KIF21B: variants seen among roughly 807,000 people sequenced by gnomAD.
The protein encoded by KIF21B is kinesin-like protein KIF21B.
A neutral mutation model predicts 192.9 loss-of-function variants in KIF21B; 85 were observed. The ratio of observed to expected loss-of-function variants is 0.44; its 90% CI spans 0.37 to 0.53. The LOEUF (loss-of-function observed/expected upper bound fraction) is 0.53. Ranked by LOEUF, KIF21B falls within the 20% of genes least tolerant of loss-of-function variation. The probability of loss-of-function intolerance (pLI) is 0.00; values close to 1 mark genes in which losing one functional copy is unlikely to be tolerated. For synonymous variants in KIF21B, 832 were observed against 884.6 expected, an observed-to-expected ratio of 0.94 and a Z score of 1.05; for missense variants, 1,716 against 2,194.8, an observed-to-expected ratio of 0.78 and a Z score of 4.36.
At chr1:201,012,656 T>TATGTATG (rs11269541) in intron 1 of KIF21B, among the ~76,000 whole-genome samples, 2 of 152,004 alleles carry the variant, frequency 1.3e-5, no homozygotes, top group Admixed American at 6.5e-5. Flanking sequence ...TGTATGTATG[T>TATGTATG]TTTTGAGACA....
At chr1:201,012,631 C>CTATGTATGTATGTATG (rs113600659) in intron 1 of KIF21B, among the ~76,000 whole-genome samples, 4,356 of 150,436 alleles carry the variant, frequency 0.029, 100 homozygotes, top group Non-Finnish European at 0.035. Context: ...TCAGAAAACT[C>CTATGTATGTATGTATG]TATGTATGTA....
chr1:201,021,248 C>G (rs1232415326), intron 1 of KIF21B, among the ~76,000 whole-genome samples: 1 of 152,228 alleles, frequency 6.6e-6, no homozygotes, highest in East Asian at 1.9e-4. Flanking sequence ...TGATTAGAAA[C>G]TGGGTTCTGT....
rs1225781968 is a variant in KIF21B, at chr1:200,982,035, A to G, written c.3843-939T>C. ...CTCTGGCCAAGGGTCTACTGAAATG[A>G]TCAAGGTTTTGCCTGTGGCGCTTCT... On this transcript the variant is annotated intron_variant, in intron 28 of 34. Coordinates refer to ENST00000461742, the MANE Select transcript of KIF21B (RefSeq NM_001252102.2). The surrounding 1 kb of genome is among the most constrained non-coding windows in gnomAD (Gnocchi z 4.7). 2.6e-5 allele frequency among the ~76,000 whole-genome samples: 4 copies of G among 152,086 alleles called. No homozygotes were observed. The highest frequency in any genetic ancestry group is 5.9e-5 in the Non-Finnish European group (4 of 68,010).
chr1:200,970,828 T>A lies in KIF21B; in HGVS notation c.*2693A>T, dbSNP rs1655176033. 6.6e-6 allele frequency: 1 copy of A among 152,404 alleles called. No individual in the cohort carries two copies. Among genetic ancestry groups the A allele is most frequent in the Non-Finnish European group, 1.5e-5 (1 of 68,080 alleles). 9.4% of individuals were successfully genotyped at this position (152,404 alleles called of 1,614,324 possible). A position where few individuals can be genotyped will look rare whatever the true frequency, so the allele number is the denominator to read the frequency against. On this transcript the variant is annotated 3_prime_UTR_variant, in exon 35 of 35. Coordinates refer to ENST00000461742, the MANE Select transcript of KIF21B (RefSeq NM_001252102.2). ...GCGCTTTACTCCTGGTCCCATGGCG[T>A]AAAGATGTGGCTGGGCCTGACAAGG... is the stretch of plus-strand genomic sequence containing the variant.
In KIF21B at chr1:200,973,513, C is replaced by T; in HGVS notation, c.*8G>A. On this transcript the variant is annotated 3_prime_UTR_variant, in exon 35 of 35. Coordinates refer to ENST00000461742, the MANE Select transcript of KIF21B (RefSeq NM_001252102.2). ...CGAGGGTCCGGGGGCATCCCTCTGACCTCACTCCTAGGGTGGGCCGCTGTG... is the reference window on the plus strand; with the variant it reads ...CGAGGGTCCGGGGGCATCCCTCTGATCTCACTCCTAGGGTGGGCCGCTGTG... 6.8e-7 allele frequency: 1 copy of T among 1,461,820 alleles called. No homozygotes were observed. The highest frequency in any genetic ancestry group is 1.4e-5 in the South Asian group (1 of 71,998). 90.6% of individuals were successfully genotyped at this position (1,461,820 alleles called of 1,614,324 possible).
At position 201,000,369 on chromosome 1, in the gene KIF21B, C is replaced by A; in HGVS notation, c.1685+21G>T. ...GGGGCGGTCTGAGGGCTCTCAGGGG[C>A]GGGGACGACACTCCACTCACCTCTT... On this transcript the variant is annotated intron_variant, in intron 11 of 34. Coordinates refer to ENST00000461742, the MANE Select transcript of KIF21B (RefSeq NM_001252102.2). The surrounding 1 kb of genome is among the most constrained non-coding windows in gnomAD (Gnocchi z 6.0). 6.5e-7 allele frequency: 1 copy of A among 1,535,656 alleles called. No individual in the cohort carries two copies. Among genetic ancestry groups the A allele is most frequent in the South Asian group, 1.3e-5 (1 of 79,664 alleles).
chr1:200,993,060 G>A (rs1297106254), intron 15 of KIF21B, among the ~76,000 whole-genome samples: 2 of 152,350 alleles, frequency 1.3e-5, no homozygotes, highest in African/African-American at 2.4e-5. Context: ...GGATGGCTCC[G>A]TGGTAGGTCA....
At chr1:201,002,424 C>G in intron 8 of KIF21B, 74 bp from the exon 9 acceptor site, 2 of 1,347,162 alleles carry the variant, frequency 1.5e-6, no homozygotes, top group Non-Finnish European at 2.1e-6. Context: ...TGATGATGCC[C>G]CTCCCTCTGC....
In KIF21B at chr1:200,982,962, G is replaced by T; in HGVS notation, c.3842+94C>A. ...GGAGGGGCCGCATGCTGAGGACACGGGTGTCAGGCGGGAGGGATGCAGCAA... is the reference window on the plus strand; with the variant it reads ...GGAGGGGCCGCATGCTGAGGACACGTGTGTCAGGCGGGAGGGATGCAGCAA... On this transcript the variant is annotated intron_variant, in intron 28 of 34. Transcript: ENST00000461742. The surrounding 1 kb of genome is among the most constrained non-coding windows in gnomAD (Gnocchi z 4.7). 1 of 1,135,338 alleles carries T rather than the reference G, an allele frequency of 8.8e-7. No individual in the cohort carries two copies. Among genetic ancestry groups the T allele is most frequent in the East Asian group, 2.6e-5 (1 of 39,046 alleles). 70.3% of individuals were successfully genotyped at this position (1,135,338 alleles called of 1,614,324 possible).
At chr1:201,010,786 C>T (rs180896042) in intron 1 of KIF21B, among the ~76,000 whole-genome samples, 155 of 152,368 alleles carry the variant, frequency 1.0e-3, no homozygotes, top group African/African-American at 3.5e-3. Context: ...TCCCCAGCTG[C>T]CCCAGCCCCC....
At chr1:200,986,795 G>T in intron 26 of KIF21B, 49 bp downstream of exon 26, 1 of 1,492,234 alleles carries the variant, frequency 6.7e-7, no homozygotes, top group Non-Finnish European at 9.3e-7. Context: ...ATGTAACCAA[G>T]AACTAGACTG....
At chr1:201,001,891 G>A (rs2102442470) in intron 9 of KIF21B, 1 of 491,024 alleles carries the variant, frequency 2.0e-6, no homozygotes, top group East Asian at 3.5e-5. Flanking sequence ...GAAGTAGAGA[G>A]GGCTTGGGGT....
chr1:201,007,416 A>G (rs1657945085), intron 3 of KIF21B, among the ~76,000 whole-genome samples: 1 of 148,856 alleles, frequency 6.7e-6, no homozygotes, highest in Non-Finnish European at 1.5e-5. Flanking sequence ...ACCCACACAC[A>G]CAGAGATACA....
chr1:201,005,074 C>T, intron 5 of KIF21B, 141 bp from the exon 6 acceptor site: 1 of 1,065,668 alleles, frequency 9.4e-7, no homozygotes, highest in Non-Finnish European at 1.4e-6. Flanking sequence ...TGACAATGTG[C>T]ACAGTATTTG....
chr1:200,974,018 T>A, intron 34 of KIF21B: 2 of 1,568,176 alleles, frequency 1.3e-6, no homozygotes, highest in Non-Finnish European at 1.7e-6. Context: ...AAGAAGCAGC[T>A]CAGATCGAAG....
At chr1:200,988,151 G>C in intron 24 of KIF21B, 145 bp downstream of exon 24, 1 of 814,518 alleles carries the variant, frequency 1.2e-6, no homozygotes, top group Non-Finnish European at 2.1e-6. Context: ...CCCAATTCCA[G>C]ACTAAATTTT....
chr1:200,987,811 CCTT>C (rs1479887892), intron 24 of KIF21B, among the ~76,000 whole-genome samples: 15 of 152,342 alleles, frequency 9.8e-5, no homozygotes, highest in African/African-American at 2.4e-5. Context: ...CTTTTTCCCT[CCTT>C]GTCTCCTTAA....
At position 200,990,190 on chromosome 1, in the gene KIF21B, T is replaced by C. The variant is rs1558007686; in HGVS notation, c.2978A>G (p.Asn993Ser). The stretch of plus-strand genomic sequence containing the variant: ...GGCCTGGCAGTCGGTGATGCCGTCA[T>C]TGATGTAGTCAATGTTGGCTGCCAG... ...EVLAANIDYI[N>S]DGITDCQATI... Residue 993 changes from asparagine (N) to serine (S), a missense_variant, in exon 20 of 35, where the codon AAT becomes AGT. By Grantham distance (46) the Asn-to-Ser change is conservative. Around this residue, in one of 3 missense-constraint regions of KIF21B, gnomAD observed 49 missense variants for 102.6 expected, o/e 0.48. Coordinates refer to ENST00000461742, the MANE Select transcript of KIF21B (RefSeq NM_001252102.2). This position sits in a 1 kb window ranked among gnomAD's most constrained non-coding sequence, Gnocchi z 5.4. 1 of 1,614,112 alleles carries C rather than the reference T, an allele frequency of 6.2e-7. No individual in the cohort carries two copies. The highest frequency in any genetic ancestry group is 1.1e-5 in the South Asian group (1 of 91,078).
intron 8 of KIF21B, 111 bp from the exon 9 acceptor site, chr1:201,002,461 GGC>G: frequency 1.1e-6 from 1 of 931,768 alleles, no homozygotes; most frequent in Non-Finnish European, 1.7e-6. Context: ...CCCTGGATAT[GGC>G]GCATCACCAG....
Sources: gnomAD v4.1 joint callset for allele counts (sites outside exome capture counted in the v4.1 genomes callset) on GRCh38, gnomAD v4.1.1 for gene constraint, gnomAD v4.1.1 regional missense constraint, Gnocchi (gnomAD v3.1) non-coding constraint, MANE v1.5 for transcripts, NCBI Gene and HGNC (gene_info 2026-07-23, HGNC 2026-07-21) for gene names.